Variants in DCC observed in about 807,000 individuals in gnomAD.
DCC encodes DCC netrin 1 receptor.
DCC carries 58 observed loss-of-function variants against 172.5 expected under a neutral mutation model. The ratio of observed to expected loss-of-function variants is 0.34; its 90% confidence interval spans 0.27 to 0.42. The LOEUF is 0.42. Ranked by LOEUF, DCC falls within the 10% of genes least tolerant of loss-of-function variation. The probability of loss-of-function intolerance (pLI) is 1.00; values close to 1 mark genes in which losing one functional copy is unlikely to be tolerated. For synonymous variants in DCC, 709 were observed against 644.5 expected (o/e 1.10, Z -1.52); for missense variants, 1,740 against 1,791.0 (o/e 0.97, Z 0.51).
chr18:53,188,818 G>A (rs1191519378), intron 9 of DCC, among the ~76,000 whole-genome samples: 1 of 151,980 alleles, frequency 6.6e-6, no homozygotes, highest in Non-Finnish European at 1.5e-5. Context: ...GCAATCCTTG[G>A]CATTCCTTGG....
At chr18:52,439,764 T>A (rs903067231) in intron 1 of DCC, among the ~76,000 whole-genome samples, 17 of 152,192 alleles carry the variant, frequency 1.1e-4, no homozygotes, top group African/African-American at 4.1e-4. Flanking sequence ...AGTGAATAAA[T>A]ATTTGTTTAG....
At chr18:52,372,526 G>A (rs1985166691) in intron 1 of DCC, among the ~76,000 whole-genome samples, 1 of 152,138 alleles carries the variant, frequency 6.6e-6, no homozygotes, top group Admixed American at 6.5e-5. Context: ...CTAGTGATAT[G>A]TTATATAGTT....
At chr18:53,399,568 A>G (rs968580659) in intron 18 of DCC, among the ~76,000 whole-genome samples, 9 of 152,132 alleles carry the variant, frequency 5.9e-5, no homozygotes, top group African/African-American at 1.9e-4. Context: ...CCATTCATGT[A>G]CTTAATAAAG....
At chr18:53,249,141 AT>A (rs1687695273) in intron 12 of DCC, among the ~76,000 whole-genome samples, 1 of 151,986 alleles carries the variant, frequency 6.6e-6, no homozygotes, top group Non-Finnish European at 1.5e-5. Flanking sequence ...TGAACGTGTA[AT>A]GTGGATTCCC....
intron 12 of DCC, among the ~76,000 whole-genome samples, chr18:53,243,629 T>C (rs961445662): frequency 4.6e-5 from 7 of 152,152 alleles, no homozygotes; most frequent in African/African-American, 1.7e-4. Flanking sequence ...TGGCAGATTA[T>C]GTGGTTTAAG....
At chr18:52,582,058 C>T (rs1311747843) in intron 1 of DCC, among the ~76,000 whole-genome samples, 1 of 141,620 alleles carries the variant, frequency 7.1e-6, no homozygotes, top group Non-Finnish European at 1.6e-5. Context: ...CACTGTAAAT[C>T]ATCTGCTAGA....
intron 2 of DCC, among the ~76,000 whole-genome samples, chr18:52,883,653 A>G (rs749845835): frequency 7.9e-5 from 12 of 151,914 alleles, no homozygotes; most frequent in Admixed American, 2.0e-4. Context: ...GACTTATTGT[A>G]CTTATTGTAC....
At chr18:53,477,531 T>C (rs2045780637) in intron 25 of DCC, among the ~76,000 whole-genome samples, 1 of 152,182 alleles carries the variant, frequency 6.6e-6, no homozygotes, top group Non-Finnish European at 1.5e-5. Flanking sequence ...TTCAGATTTC[T>C]AGTCACATAT....
At chr18:53,459,121 C>G in intron 23 of DCC, 111 bp from the exon 24 acceptor site, 1 of 888,146 alleles carries the variant, frequency 1.1e-6, no homozygotes, top group Non-Finnish European at 1.8e-6. Flanking sequence ...AGGGCTCATT[C>G]TGCGAGTCCT....
At chr18:52,654,557 C>A (rs1360622206) in intron 1 of DCC, among the ~76,000 whole-genome samples, 1 of 152,086 alleles carries the variant, frequency 6.6e-6, no homozygotes, top group African/African-American at 2.4e-5. Flanking sequence ...CCTCACAGGG[C>A]CTTTTTGTGT....
intron 5 of DCC, among the ~76,000 whole-genome samples, chr18:52,932,160 CCT>C (rs1383021454): frequency 1.1e-4 from 16 of 152,050 alleles, no homozygotes; most frequent in African/African-American, 3.6e-4. Context: ...TATTTTAAAA[CCT>C]AACTTTTATA....
At chr18:52,800,723 T>G (rs1004359683) in intron 2 of DCC, among the ~76,000 whole-genome samples, 17 of 152,218 alleles carry the variant, frequency 1.1e-4, no homozygotes, top group Non-Finnish European at 1.5e-5. Context: ...ATAAGTACAA[T>G]TGGTTCCTGA....
At chr18:52,700,357 GCACACA>G (rs60840549) in intron 1 of DCC, among the ~76,000 whole-genome samples, 2 of 143,752 alleles carry the variant, frequency 1.4e-5, no homozygotes, top group African/African-American at 5.3e-5. Context: ...TCACTCACAT[GCACACA>G]CACACATGCA....
intron 22 of DCC, among the ~76,000 whole-genome samples, chr18:53,437,765 C>T (rs1467351931): frequency 2.6e-5 from 4 of 152,016 alleles, no homozygotes; most frequent in Non-Finnish European, 5.9e-5. Context: ...TAAATTTCAA[C>T]AATAAGCCAA....
chr18:52,971,485 G>A (rs776391116), intron 5 of DCC, among the ~76,000 whole-genome samples: 2 of 151,524 alleles, frequency 1.3e-5, no homozygotes, highest in African/African-American at 2.4e-5. Flanking sequence ...TGAGATACAG[G>A]GAGAGGTGTG....
chr18:52,652,470 G>A (rs1307487962), intron 1 of DCC, among the ~76,000 whole-genome samples: 1 of 151,940 alleles, frequency 6.6e-6, no homozygotes, highest in Non-Finnish European at 1.5e-5. Flanking sequence ...TAACTTCAAG[G>A]AATCAAACGA....
In DCC at chr18:52,664,470, C is replaced by CTTTTTTTTTT. The variant is rs74178680; in HGVS notation, c.92-87579_92-87578insTTTTTTTTTT. The stretch of plus-strand genomic sequence containing the variant: ...CAAATATCTTTTTTCTTTTCTTTTT[C>CTTTTTTTTTT]TTTTTCTTTTTTTTTTTTTTTTGAG... On this transcript the variant is annotated intron_variant, in intron 1 of 28. Coordinates refer to ENST00000442544, the MANE Select transcript of DCC (RefSeq NM_005215.4). 3.0e-4 allele frequency among the ~76,000 whole-genome samples: 30 copies of CTTTTTTTTTT among 99,796 alleles called. 2 individuals are homozygous for CTTTTTTTTTT. Among genetic ancestry groups the CTTTTTTTTTT allele is most frequent in the African/African-American group, 3.7e-4 (9 of 24,328 alleles). 65.5% of individuals were successfully genotyped at this position (99,796 alleles called of 152,430 possible).
chr18:52,797,269 G>A (rs1247567428), intron 2 of DCC, among the ~76,000 whole-genome samples: 1 of 151,888 alleles, frequency 6.6e-6, no homozygotes, highest in African/African-American at 2.4e-5. Flanking sequence ...CCTGTTTTGG[G>A]GATCTGTTAT....
At chr18:52,757,805 A>G (rs1208892425) in intron 2 of DCC, among the ~76,000 whole-genome samples, 1 of 152,158 alleles carries the variant, frequency 6.6e-6, no homozygotes, top group East Asian at 1.9e-4. Context: ...ACTGTGATTT[A>G]AGTACCCAAA....
Sources: allele counts gnomAD v4.1 joint callset (sites outside exome capture counted in the v4.1 genomes callset), GRCh38; gene constraint gnomAD v4.1.1; transcripts MANE v1.5; gene names NCBI Gene and HGNC (gene_info 2026-07-23, HGNC 2026-07-21).